CLIP4: variants seen among roughly 807,000 people sequenced by gnomAD.
The protein encoded by CLIP4 is CAP-Gly domain-containing linker protein 4.
CLIP4 carries 47 observed loss-of-function variants against 73.1 expected under a neutral mutation model. That is an observed-to-expected ratio of 0.64 (90% CI 0.51 to 0.82). The LOEUF is 0.82. CLIP4 is among the 40% of genes least tolerant of loss of function. CLIP4 has a pLI of 0.00. For synonymous variants in CLIP4, 306 were observed against 295.4 expected, an observed-to-expected ratio of 1.04 and a Z score of -0.37; for missense variants, 874 against 852.9, an observed-to-expected ratio of 1.02 and a Z score of -0.31.
intron 6 of CLIP4, among the ~76,000 whole-genome samples, chr2:29,139,252 C>G (rs571540306): frequency 4.0e-5 from 6 of 151,434 alleles, no homozygotes; most frequent in African/African-American, 1.5e-4. Flanking sequence ...TTTTCTGTGT[C>G]TATTGAGATG....
At chr2:29,131,639 T>C (rs1664976881) in intron 3 of CLIP4, 1 of 341,194 alleles carries the variant, frequency 2.9e-6, no homozygotes, top group South Asian at 9.0e-5. Context: ...GGGGCATTTT[T>C]CATATTTCCT....
chr2:29,156,953 TGTG>T (rs1378710414), intron 10 of CLIP4, among the ~76,000 whole-genome samples: 6 of 152,202 alleles, frequency 3.9e-5, no homozygotes, highest in Non-Finnish European at 8.8e-5. Context: ...CATCAATTGA[TGTG>T]GTGATACCTC....
chr2:29,171,193 C>T (rs1263947691), intron 14 of CLIP4, among the ~76,000 whole-genome samples: 1 of 152,162 alleles, frequency 6.6e-6, no homozygotes, highest in Non-Finnish European at 1.5e-5. Flanking sequence ...TTGGGAAGAA[C>T]TGACATGTTA....
At chr2:29,160,221 A>T in intron 11 of CLIP4, 112 bp from the exon 12 acceptor site, 1 of 1,283,994 alleles carries the variant, frequency 7.8e-7, no homozygotes, top group South Asian at 1.2e-5. Flanking sequence ...TAACTAGACT[A>T]GTTAGAATAC....
chr2:29,137,219 C>T (rs369454742), intron 6 of CLIP4, among the ~76,000 whole-genome samples: 165 of 152,158 alleles, frequency 1.1e-3, no homozygotes, highest in African/African-American at 3.5e-3. Context: ...TCTGTTGTTC[C>T]CATCTTTATG....
chr2:29,145,082 A>G (rs1572947162), intron 7 of CLIP4, 150 bp from the exon 8 acceptor site: 4 of 579,678 alleles, frequency 6.9e-6, no homozygotes, highest in Non-Finnish European at 6.0e-6. Flanking sequence ...TACCAAGCAT[A>G]AAAAGGTAAT....
intron 9 of CLIP4, among the ~76,000 whole-genome samples, chr2:29,154,256 C>G (rs1489131438): frequency 6.6e-6 from 1 of 152,148 alleles, no homozygotes; most frequent in Non-Finnish European, 1.5e-5. Context: ...GAGAAGCCCC[C>G]TCTATTTCTG....
At chr2:29,108,899 A>G (rs189644316) in intron 1 of CLIP4, among the ~76,000 whole-genome samples, 323 of 152,296 alleles carry the variant, frequency 2.1e-3, no homozygotes, top group Non-Finnish European at 1.8e-3. Context: ...CTGAATCCAG[A>G]TCCAAATAAA....
chr2:29,157,183 C>T, intron 10 of CLIP4, 21 bp from the exon 11 acceptor site: 1 of 1,609,720 alleles, frequency 6.2e-7, no homozygotes, highest in Non-Finnish European at 8.5e-7. Flanking sequence ...CACCGTTTGA[C>T]ACGTTCTTTA....
chr2:29,179,533 T>G (rs925483591), intron 15 of CLIP4, among the ~76,000 whole-genome samples: 1 of 152,184 alleles, frequency 6.6e-6, no homozygotes, highest in African/African-American at 2.4e-5. Flanking sequence ...CATAGCTTAG[T>G]TTTTCTGAAC....
At chr2:29,125,368 T>C (rs1664529676) in intron 2 of CLIP4, among the ~76,000 whole-genome samples, 1 of 152,192 alleles carries the variant, frequency 6.6e-6, no homozygotes, top group Admixed American at 6.5e-5. Flanking sequence ...CTCACAAGCA[T>C]ATGATGAATA....
chr2:29,108,155 C>A (rs116241913), intron 1 of CLIP4, among the ~76,000 whole-genome samples: 1 of 152,118 alleles, frequency 6.6e-6, no homozygotes, highest in African/African-American at 2.4e-5. Context: ...TATGTATTTT[C>A]CTAAACTTGC....
intron 15 of CLIP4, among the ~76,000 whole-genome samples, chr2:29,178,516 A>G (rs1276236230): frequency 1.3e-5 from 2 of 152,162 alleles, no homozygotes; most frequent in Non-Finnish European, 2.9e-5. Flanking sequence ...GAGATGAATC[A>G]TATTCCATAT....
chr2:29,120,281 C>G (rs1664166256), intron 1 of CLIP4, among the ~76,000 whole-genome samples: 1 of 152,102 alleles, frequency 6.6e-6, no homozygotes, highest in Admixed American at 6.5e-5. Context: ...AAGCCTCCTA[C>G]TTTTTACCAG....
Position 29,137,845 on chromosome 2 carries a change from C to T in CLIP4, c.648+2179C>T, listed in dbSNP as rs551293758. Among the ~76,000 whole-genome samples the T allele has an allele frequency of 9.9e-5, 15 of 152,114 alleles. No homozygotes were observed. In the South Asian group the frequency reaches 1.0e-3, roughly 11 times the overall value. The stretch of plus-strand genomic sequence containing the variant: ...AGAAGTGTCTGTTCATGTTCTTTGC[C>T]GCTTTTTAATGGGATTTTTTTTCTT... On this transcript the variant is annotated intron_variant, in intron 6 of 15. Coordinates refer to ENST00000320081, the MANE Select transcript of CLIP4 (RefSeq NM_024692.6).
At chr2:29,132,565 G>A (rs1471544690) in intron 4 of CLIP4, 16 of 262,962 alleles carry the variant, frequency 6.1e-5, no homozygotes, top group Non-Finnish European at 2.1e-5. Context: ...GTCAGTCTTT[G>A]CATACTGATC....
chr2:29,179,966 A>G (rs1172004131), intron 15 of CLIP4, among the ~76,000 whole-genome samples: 1 of 152,264 alleles, frequency 6.6e-6, no homozygotes, highest in Non-Finnish European at 1.5e-5. Flanking sequence ...CATTAAAATT[A>G]GTCATCTTCC....
intron 1 of CLIP4, among the ~76,000 whole-genome samples, chr2:29,120,903 A>C (rs933210554): frequency 2.0e-5 from 3 of 152,138 alleles, no homozygotes; most frequent in Non-Finnish European, 4.4e-5. Context: ...ATTTTCAGTA[A>C]AGTTTTCTGG....
chr2:29,178,090 A>G (rs1361954835), intron 15 of CLIP4, among the ~76,000 whole-genome samples: 1 of 152,234 alleles, frequency 6.6e-6, no homozygotes, highest in Admixed American at 6.5e-5. Context: ...AAATGCAAAA[A>G]GGTCATCTGT....
Sources: gnomAD v4.1 joint callset for allele counts (sites outside exome capture counted in the v4.1 genomes callset) on GRCh38, gnomAD v4.1.1 for gene constraint, MANE v1.5 for transcripts, NCBI Gene and HGNC (gene_info 2026-07-23, HGNC 2026-07-21) for gene names.